The following FOXJ3 variants were observed in gnomAD, a reference collection of about 807,000 sequenced individuals.
FOXJ3 encodes the protein forkhead box protein J3.
In FOXJ3, 22 loss-of-function variants were observed where a neutral mutation model predicts 76.1. The ratio of observed to expected loss-of-function variants is 0.29; its 90% CI spans 0.21 to 0.41. The LOEUF is 0.41. Among genes scored for constraint, FOXJ3 ranks in the 10% least tolerant of loss-of-function variants. FOXJ3 has a pLI of 1.00. For missense variants in FOXJ3, 613 were observed against 762.1 expected (o/e 0.80, Z 2.30); for synonymous variants, 269 against 261.2 (o/e 1.03, Z -0.29).
At chr1:42,206,217 CCA>C (rs1646858705) in intron 5 of FOXJ3, among the ~76,000 whole-genome samples, 1 of 152,242 alleles carries the variant, frequency 6.6e-6, no homozygotes, top group Admixed American at 6.5e-5. Context: ...GTCTGCCCAG[CCA>C]CAGACTACCT....
Position 42,334,113 on chromosome 1 carries a change from A to T in FOXJ3, c.-18+946T>A, listed in dbSNP as rs148948023. 8.2e-6 allele frequency: 8 copies of T among 973,192 alleles called. No homozygotes were observed. In the East Asian group the frequency reaches 9.1e-4, roughly 111 times the overall value. 60.3% of individuals were successfully genotyped at this position (973,192 alleles called of 1,614,324 possible). A position where few individuals can be genotyped will look rare whatever the true frequency, so the allele number is the denominator to read the frequency against. Reference sequence around the variant, plus strand: ...GCTAACCAGACACACAAAAAGTAAAACAGAGAAATGAAAACTATACACCTG... The same window carrying T: ...GCTAACCAGACACACAAAAAGTAAATCAGAGAAATGAAAACTATACACCTG... On this transcript the variant is annotated intron_variant, in intron 1 of 12. Coordinates refer to ENST00000361346, the MANE Select transcript of FOXJ3 (RefSeq NM_014947.5).
intron 4 of FOXJ3, among the ~76,000 whole-genome samples, chr1:42,261,181 T>C (rs1032982592): frequency 3.3e-5 from 5 of 149,602 alleles, no homozygotes; most frequent in African/African-American, 9.9e-5. Context: ...AATTACACAA[T>C]AAGACTTATA....
chr1:42,184,622 G>T (rs1021580477), intron 11 of FOXJ3, among the ~76,000 whole-genome samples: 1 of 152,020 alleles, frequency 6.6e-6, no homozygotes, highest in Non-Finnish European at 1.5e-5. Flanking sequence ...TCTGCTTTTC[G>T]GGTGTGTATT....
intron 2 of FOXJ3, among the ~76,000 whole-genome samples, chr1:42,293,629 C>T (rs1361571140): frequency 1.3e-5 from 2 of 152,168 alleles, no homozygotes; most frequent in Non-Finnish European, 2.9e-5. Flanking sequence ...TTTCATATGG[C>T]TTCCAATCCA....
At chr1:42,218,228 C>A (rs1647110974) in intron 5 of FOXJ3, among the ~76,000 whole-genome samples, 1 of 152,208 alleles carries the variant, frequency 6.6e-6, no homozygotes, top group African/African-American at 2.4e-5. Context: ...ATCAACAAAA[C>A]CACTCTGGTA....
intron 7 of FOXJ3, among the ~76,000 whole-genome samples, chr1:42,195,838 C>T (rs1445556666): frequency 6.6e-6 from 1 of 152,246 alleles, no homozygotes; most frequent in East Asian, 1.9e-4. Context: ...AGTGTCCTTA[C>T]ACATCTCCAC....
intron 5 of FOXJ3, among the ~76,000 whole-genome samples, chr1:42,210,010 A>G (rs537679371): frequency 6.6e-6 from 1 of 152,330 alleles, no homozygotes; most frequent in South Asian, 2.1e-4. Flanking sequence ...AGCCTGGGGC[A>G]GTTTTGAGTT....
intron 1 of FOXJ3, among the ~76,000 whole-genome samples, chr1:42,320,416 G>A (rs1166120079): frequency 1.3e-5 from 2 of 151,988 alleles, no homozygotes; most frequent in African/African-American, 4.8e-5. Flanking sequence ...TCTCTACTTT[G>A]CTCAAAAACT....
At chr1:42,307,206 T>C (rs1654523362) in intron 2 of FOXJ3, among the ~76,000 whole-genome samples, 1 of 152,144 alleles carries the variant, frequency 6.6e-6, no homozygotes, top group African/African-American at 2.4e-5. Context: ...CAGCTTGCAG[T>C]GTTTCCAACA....
intron 2 of FOXJ3, among the ~76,000 whole-genome samples, chr1:42,294,569 G>T (rs1407527879): frequency 2.0e-5 from 3 of 152,070 alleles, no homozygotes; most frequent in Non-Finnish European, 4.4e-5. Flanking sequence ...GACCAGCCTG[G>T]CCAACATGGC....
intron 7 of FOXJ3, among the ~76,000 whole-genome samples, chr1:42,198,043 G>A (rs1029279707): frequency 2.0e-5 from 3 of 152,044 alleles, no homozygotes; most frequent in Non-Finnish European, 2.9e-5. Flanking sequence ...CTACAGATAC[G>A]GAGGGCTGAC....
At chr1:42,225,939 G>C (rs1020385527) in intron 5 of FOXJ3, among the ~76,000 whole-genome samples, 3 of 152,136 alleles carry the variant, frequency 2.0e-5, no homozygotes, top group Admixed American at 6.5e-5. Flanking sequence ...ATATCCAAAA[G>C]ACACGGACAG....
Position 42,191,525 on chromosome 1 carries a change from T to G in FOXJ3, c.1129A>C (p.Thr377Pro), listed in dbSNP as rs1139978. 0.12 allele frequency: 198,945 copies of G among 1,613,894 alleles called. 13,749 individuals are homozygous for G. Among genetic ancestry groups the G allele is most frequent in the Non-Finnish European group, 0.14 (163,517 of 1,179,916 alleles). The change falls in exon 9 of 13, where the codon ACA becomes CCA. Residue 377 changes from threonine to proline, a missense_variant. By Grantham distance (38) the Thr-to-Pro change is conservative. Around this residue, in one of 3 missense-constraint regions of FOXJ3, gnomAD observed 526 missense variants for 601.4 expected, o/e 0.87. Coordinates refer to ENST00000361346, the MANE Select transcript of FOXJ3 (RefSeq NM_014947.5). ...TGGGGAGGATGTGGAGATGGCTGTG[T>G]GTGCATCTGGGGGTGAGACAGTGAG... is the stretch of plus-strand genomic sequence containing the variant. Reference protein sequence around the residue: ...QVSLSHPQMHTQPSPHPPHRP... With the variant: ...QVSLSHPQMHPQPSPHPPHRP...
At chr1:42,283,651 G>C (rs979036586) in intron 2 of FOXJ3, among the ~76,000 whole-genome samples, 1 of 152,120 alleles carries the variant, frequency 6.6e-6, no homozygotes, top group African/African-American at 2.4e-5. Context: ...CTTAAGACCT[G>C]CGGCACATAA....
chr1:42,189,539 T>C (rs1646501217), intron 9 of FOXJ3, 135 bp from the exon 10 acceptor site: 6 of 624,488 alleles, frequency 9.6e-6, no homozygotes, highest in African/African-American at 1.8e-5. Flanking sequence ...GTACCCATTA[T>C]ATCACGTGTT....
chr1:42,191,318 C>T lies in FOXJ3; in HGVS notation c.1336G>A (p.Val446Ile). Residue 446 changes from valine to isoleucine, a missense_variant, in exon 9 of 13, where the codon GTA becomes ATA. Around this residue, in one of 3 missense-constraint regions of FOXJ3, gnomAD observed 526 missense variants for 601.4 expected, o/e 0.87. Transcript: ENST00000361346. ...THQAPPPPQQ[V>I]SCNSGVSNDW... ...AAAAACTTACCAGAATTACAGGATA[C>T]CTGTTGTGGGGGTGGGGGTGCCTGA... 6.5e-7 allele frequency: 1 copy of T among 1,544,084 alleles called. No homozygotes were observed. Among genetic ancestry groups the T allele is most frequent in the Non-Finnish European group, 8.8e-7 (1 of 1,140,654 alleles).
intron 5 of FOXJ3, among the ~76,000 whole-genome samples, chr1:42,214,950 T>C (rs943580322): frequency 6.6e-6 from 1 of 152,220 alleles, no homozygotes; most frequent in Non-Finnish European, 1.5e-5. Flanking sequence ...TTGGAACCAC[T>C]ACTCACAAAA....
chr1:42,308,141 C>T (rs998686123), intron 2 of FOXJ3, among the ~76,000 whole-genome samples: 4 of 152,306 alleles, frequency 2.6e-5, no homozygotes, highest in Middle Eastern at 3.4e-3. Flanking sequence ...TTTCTGATTC[C>T]CAGCCATATG....
chr1:42,212,612 G>A (rs12068171), intron 5 of FOXJ3, among the ~76,000 whole-genome samples: 2,136 of 152,242 alleles, frequency 0.014, 47 homozygotes, highest in African/African-American at 0.05. Context: ...AGAATCATAG[G>A]TGTTCCTAAG....
Sources: allele counts gnomAD v4.1 joint callset (sites outside exome capture counted in the v4.1 genomes callset), GRCh38; gene constraint gnomAD v4.1.1; regional missense constraint gnomAD v4.1.1; transcripts MANE v1.5; gene names NCBI Gene and HGNC (gene_info 2026-07-23, HGNC 2026-07-21).